TMEM50B: variants seen among roughly 807,000 people sequenced by gnomAD.
TMEM50B encodes HCV p7-trans-regulated protein 3.
TMEM50B carries 14 observed loss-of-function variants against 23.4 expected under a neutral mutation model. The ratio of observed to expected loss-of-function variants is 0.60; its 90% CI spans 0.39 to 0.93. The LOEUF is 0.93. Ranked by LOEUF, TMEM50B falls within the 40% of genes least tolerant of loss-of-function variation. The probability of loss-of-function intolerance (pLI) is 0.00; values close to 1 mark genes in which losing one functional copy is unlikely to be tolerated. For synonymous variants in TMEM50B, 64 were observed against 62.3 expected (o/e 1.03, Z -0.13); for missense variants, 159 against 193.0 (o/e 0.82, Z 1.04).
exon 9 of TMEM50B, chr21:33,432,673 G>C: frequency 6.2e-7 from 1 of 1,605,610 alleles, no homozygotes; most frequent in South Asian, 1.1e-5. Context: ...TGTGTTGTGC[G>C]TAGGAAGATC....
intron 1 of TMEM50B, among the ~76,000 whole-genome samples, chr21:33,474,265 G>C (rs1361208380): frequency 6.6e-6 from 1 of 151,922 alleles, no homozygotes; most frequent in Non-Finnish European, 1.5e-5. Flanking sequence ...TTAAACTCCT[G>C]AACTCAAGCG....
At chr21:33,477,262 G>C (rs1426308971) in intron 1 of TMEM50B, among the ~76,000 whole-genome samples, 2 of 152,138 alleles carry the variant, frequency 1.3e-5, no homozygotes, top group Admixed American at 6.5e-5. Flanking sequence ...ACTCCAGCCT[G>C]GGCAACACAG....
chr21:33,471,380 G>A (rs777215990), intron 1 of TMEM50B, among the ~76,000 whole-genome samples: 1 of 151,936 alleles, frequency 6.6e-6, no homozygotes. Flanking sequence ...CAAAGAACCA[G>A]GAAAATGTGA....
At chr21:33,436,235 A>G (rs1189846178) in intron 8 of TMEM50B, among the ~76,000 whole-genome samples, 4 of 150,784 alleles carry the variant, frequency 2.7e-5, no homozygotes, top group Non-Finnish European at 5.9e-5. Context: ...CATGCCTGTA[A>G]TCCCAGCTAC....
At chr21:33,442,990 AAT>A (rs1402385526) in intron 7 of TMEM50B, among the ~76,000 whole-genome samples, 26 of 152,230 alleles carry the variant, frequency 1.7e-4, no homozygotes, top group African/African-American at 6.3e-4. Context: ...CTTGAAATTA[AAT>A]AGTGGTATGA....
chr21:33,460,600 A>G (rs2084208817), intron 4 of TMEM50B, 95 bp from the exon 5 acceptor site: 1 of 538,302 alleles, frequency 1.9e-6, no homozygotes, highest in African/African-American at 1.9e-5. Context: ...AGCCTAGTAT[A>G]TATTATGCAT....
At chr21:33,470,234 G>A (rs2084300602) in intron 1 of TMEM50B, among the ~76,000 whole-genome samples, 1 of 152,050 alleles carries the variant, frequency 6.6e-6, no homozygotes, top group African/African-American at 2.4e-5. Context: ...CACTTCAGGA[G>A]GCCGAGGCGG....
intron 1 of TMEM50B, among the ~76,000 whole-genome samples, chr21:33,471,488 T>C (rs77022035): frequency 0.033 from 5,064 of 152,240 alleles, 277 homozygotes; most frequent in African/African-American, 0.11. Context: ...GCACCCATTA[T>C]AAAAATCATA....
At chr21:33,437,212 A>G (rs1437681710) in intron 8 of TMEM50B, 1 of 481,082 alleles carries the variant, frequency 2.1e-6, no homozygotes, top group Non-Finnish European at 3.8e-6. Flanking sequence ...GGCTTCTCTT[A>G]AACACTAAAA....
intron 1 of TMEM50B, chr21:33,478,781 G>C: frequency 2.1e-6 from 1 of 471,028 alleles, no homozygotes; most frequent in South Asian, 1.5e-5. Context: ...TTTGCTCTAC[G>C]TTTGAAATGC....
chr21:33,475,702 C>T (rs1022621226), intron 1 of TMEM50B, among the ~76,000 whole-genome samples: 61 of 151,900 alleles, frequency 4.0e-4, no homozygotes, highest in African/African-American at 1.3e-3. Flanking sequence ...CTCCTGTAAT[C>T]CCAGCACTTT....
At position 33,455,802 on chromosome 21, in the gene TMEM50B, A is replaced by C. The variant is rs1186306320; in HGVS notation, c.374-18T>G. On this transcript the variant is annotated intron_variant, in intron 5 of 6. Coordinates refer to ENST00000542230, the MANE Select transcript of TMEM50B (RefSeq NM_006134.7). ...ATCAGTATCTACATACACAAAGTAA[A>C]ACAGATTAGACGGTTATATAGGCAA... 1.2e-6 allele frequency: 2 copies of C among 1,604,902 alleles called. No homozygotes were observed. The highest frequency in any genetic ancestry group is 8.5e-7 in the Non-Finnish European group (1 of 1,171,990).
At chr21:33,475,751 A>G (rs1601137496) in intron 1 of TMEM50B, among the ~76,000 whole-genome samples, 1 of 151,898 alleles carries the variant, frequency 6.6e-6, no homozygotes, top group East Asian at 2.0e-4. Context: ...TCAGGAGAAC[A>G]AGACAATCCT....
rs1035324493 is a variant in TMEM50B at position 33,438,936 on chromosome 21, G to C, written c.*2120+278C>G. On this transcript the variant is annotated intron_variant and NMD_transcript_variant, in intron 8 of 8. Coordinates refer to the TMEM50B transcript ENST00000420455. ...GTAGAGATGGGGTTTCACCATGTTG[G>C]CCAGGCTGGTCTCGAACTCCTGACC... Among the ~76,000 whole-genome samples the C allele has an allele frequency of 4.6e-5, 7 of 151,230 alleles. 1 individual carries two copies. The South Asian group carries it at 1.5e-3, about 32-fold the overall frequency.
At chr21:33,433,173 A>G (rs1051596304) in intron 8 of TMEM50B, among the ~76,000 whole-genome samples, 4 of 152,268 alleles carry the variant, frequency 2.6e-5, no homozygotes, top group Admixed American at 2.6e-4. Flanking sequence ...GGCGGGAGCC[A>G]CTGCGCCCGG....
In TMEM50B at chr21:33,435,969, G is replaced by A. The variant is rs17879723; in HGVS notation, c.*2121-3167C>T. ...CTACTTGGTTGGGAAGCTGAGGCAG[G>A]AGAATTGCTTGAACCCAGGAGGCGG... On this transcript the variant is annotated intron_variant and NMD_transcript_variant, in intron 8 of 8. Coordinates refer to the TMEM50B transcript ENST00000420455. Among the ~76,000 whole-genome samples, 1,291 of 151,752 alleles carry A rather than the reference G, an allele frequency of 8.5e-3. 22 individuals are homozygous for A. Among genetic ancestry groups the A allele is most frequent in the African/African-American group, 0.03 (1,243 of 41,388 alleles).
chr21:33,473,498 C>T (rs1222101592), intron 1 of TMEM50B, among the ~76,000 whole-genome samples: 3 of 147,848 alleles, frequency 2.0e-5, no homozygotes, highest in African/African-American at 5.0e-5. Flanking sequence ...AAATTCTATA[C>T]CCAGCAAAAA....
intron 2 of TMEM50B, 178 bp downstream of exon 2, chr21:33,468,609 A>T: frequency 1.9e-6 from 1 of 526,022 alleles, no homozygotes; most frequent in Non-Finnish European, 3.4e-6. Context: ...AGTCAAAATG[A>T]ATCCAGGGCC....
At chr21:33,444,836 A>AAAAG (rs2084039393), downstream of TMEM50B, among the ~76,000 whole-genome samples, 1 of 151,270 alleles carries the variant, frequency 6.6e-6, no homozygotes, top group Non-Finnish European at 1.5e-5. Flanking sequence ...AAAAAGAAAC[A>AAAAG]AAAGAAACTG....
Sources: allele counts gnomAD v4.1 joint callset (sites outside exome capture counted in the v4.1 genomes callset), GRCh38; gene constraint gnomAD v4.1.1; transcripts MANE v1.5; gene names NCBI Gene and HGNC (gene_info 2026-07-23, HGNC 2026-07-21).